Variants in AVP observed in about 807,000 individuals in gnomAD.
AVP encodes vasopressin-neurophysin 2-copeptin.
Under a neutral mutation model 11.1 loss-of-function variants are expected in AVP, and 9 were observed. The observed-to-expected ratio is 0.81, with a 90% CI of 0.49 to 1.42. AVP has a LOEUF of 1.42. AVP is among the 40% of genes most tolerant of loss of function. The pLI, the probability that AVP is intolerant of heterozygous loss-of-function variation, is 0.00. For synonymous variants in AVP, 106 were observed against 111.3 expected (o/e 0.95, Z 0.30); for missense variants, 206 against 238.5 (o/e 0.86, Z 0.90).
chr20:3,083,284 G>A lies in AVP; in HGVS notation c.121-106C>T. On this transcript the variant is annotated intron_variant, in intron 1 of 2. Coordinates refer to ENST00000380293, the MANE Select transcript of AVP (RefSeq NM_000490.5). The surrounding 1 kb of genome is among the most constrained non-coding windows in gnomAD (Gnocchi z 5.4). ...CTGGGGTCCAGGGCTCGGAGTGCGG[G>A]CGGGACACCGGGGCTGCGGCTGCAG... 1 of 1,216,952 alleles carries A rather than the reference G, an allele frequency of 8.2e-7. No individual in the cohort carries two copies. Among genetic ancestry groups the A allele is most frequent in the Non-Finnish European group, 1.1e-6 (1 of 937,430 alleles). 75.4% of individuals were successfully genotyped at this position (1,216,952 alleles called of 1,614,324 possible).
In AVP at chr20:3,082,754, G is replaced by GCGCGGCGGTGAAAGCCCT; in HGVS notation, c.353_370dup (p.Glu118_Arg123dup). On this transcript the variant is annotated inframe_insertion, in exon 3 of 3. Coordinates refer to ENST00000380293, the MANE Select transcript of AVP (RefSeq NM_000490.5). This position sits in a 1 kb window ranked among gnomAD's most constrained non-coding sequence, Gnocchi z 4.7. The stretch of plus-strand genomic sequence containing the variant: ...GGCGTTGCTCCGGTCGCTGGCGCGG[G>GCGCGGCGGTGAAAGCCCT]CGCGGCGGTGAAAGCCCTCGCGGCA... The GCGCGGCGGTGAAAGCCCT allele has an allele frequency of 7.9e-7, 1 of 1,273,620 alleles. No homozygotes were observed. Among genetic ancestry groups the GCGCGGCGGTGAAAGCCCT allele is most frequent in the Non-Finnish European group, 9.9e-7 (1 of 1,012,106 alleles). The allele number at this position is 1,273,620 out of a possible 1,614,324, so 78.9% of individuals were successfully genotyped here.
chr20:3,084,517 G>A (rs757230487), intron 1 of AVP, 38 bp downstream of exon 1: 339 of 1,612,808 alleles, frequency 2.1e-4, no homozygotes, highest in Non-Finnish European at 2.7e-4. Flanking sequence ...AGCACTGCCC[G>A]CTATGGCAGC....
chr20:3,083,119 C>T lies in AVP; in HGVS notation c.180G>A (p.Ala60=). 6.5e-7 allele frequency: 1 copy of T among 1,539,404 alleles called. No individual in the cohort carries two copies. The highest frequency in any genetic ancestry group is 8.7e-7 in the Non-Finnish European group (1 of 1,152,544). Residue 60 remains alanine, a synonymous_variant, in exon 2 of 3, where the codon GCG becomes GCA. Transcript: ENST00000380293. The surrounding 1 kb of genome is among the most constrained non-coding windows in gnomAD (Gnocchi z 5.4). ...GRCFGPSICC[A]DELGCFVGTA... ...TGCCCACGAAGCAGCCCAGCTCGTC[C>T]GCGCAGCAGATGCTGGGCCCGAAGC... is the stretch of plus-strand genomic sequence containing the variant.
Position 3,083,083 on chromosome 20 carries a change from C to T in AVP, c.216G>A (p.Ala72=). ...ELGCFVGTAE[A]LRCQEENYLP... is the part of the protein sequence containing the mutation. ...GGTAGTTCTCCTCCTGGCAGCGCAG[C>T]GCCTCAGCCGTGCCCACGAAGCAGC... is the stretch of plus-strand genomic sequence containing the variant. The change falls in exon 2 of 3, where the codon GCG becomes GCA. Residue 72 remains alanine, a synonymous_variant. Transcript: ENST00000380293. The surrounding 1 kb of genome is among the most constrained non-coding windows in gnomAD (Gnocchi z 5.4). The T allele has an allele frequency of 6.4e-7, 1 of 1,559,810 alleles. No homozygotes were observed. The highest frequency in any genetic ancestry group is 1.8e-5 in the Admixed American group (1 of 56,046).
chr20:3,083,174 A>T lies in AVP; in HGVS notation c.125T>A (p.Leu42His). 6.7e-7 allele frequency: 1 copy of T among 1,490,874 alleles called. No homozygotes were observed. The highest frequency in any genetic ancestry group is 2.8e-5 in the East Asian group (1 of 35,454). The allele number at this position is 1,490,874 out of a possible 1,614,324, so 92.4% of individuals were successfully genotyped here. ...AMSDLELRQC[L>H]PCGPGGKGRC... ...GCCTTTGCCCCCGGGGCCGCAGGGG[A>T]GGCACTGCGGGGACGGGCGGGGTGA... Residue 42 changes from leucine to histidine, a missense_variant, in exon 2 of 3, where the codon CTC becomes CAC. Around this residue, in one of 2 missense-constraint regions of AVP, gnomAD observed 100 missense variants for 149.3 expected, o/e 0.67. Transcript: ENST00000380293. This position sits in a 1 kb window ranked among gnomAD's most constrained non-coding sequence, Gnocchi z 5.4.
In AVP at chr20:3,084,598, G is replaced by C. The variant is rs142886338; in HGVS notation, c.77C>G (p.Pro26Arg). ...GGACATGGCCCTCTTGCCGCCCCTC[G>C]GGCAGTTCTGGAAGTAGCACGCGGA... ...FSSACYFQNC[P>R]RGGKRAMSDL... The change falls in exon 1 of 3, where the codon CCG (proline) becomes CGG (arginine). Residue 26 changes from proline (P) to arginine (R), a missense_variant. Coordinates refer to ENST00000380293, the MANE Select transcript of AVP (RefSeq NM_000490.5). The C allele has an allele frequency of 6.2e-7, 1 of 1,613,924 alleles. No individual in the cohort carries two copies. The highest frequency in any genetic ancestry group is 8.5e-7 in the Non-Finnish European group (1 of 1,180,036).
At position 3,082,725 on chromosome 20, in the gene AVP, G is replaced by T; in HGVS notation, c.400C>A (p.Gln134Lys). 1 of 1,293,044 alleles carries T rather than the reference G, an allele frequency of 7.7e-7. No individual in the cohort carries two copies. The highest frequency in any genetic ancestry group is 2.4e-5 in the South Asian group (1 of 41,994). The allele number at this position is 1,293,044 out of a possible 1,614,324, so 80.1% of individuals were successfully genotyped here. The change falls in exon 3 of 3, where the codon CAG becomes AAG. Residue 134 changes from glutamine (Q) to lysine (K), a missense_variant. Physicochemically the swap from Gln to Lys is moderately conservative, Grantham distance 53 (BLOSUM62 1). Coordinates refer to ENST00000380293, the MANE Select transcript of AVP (RefSeq NM_000490.5). This position sits in a 1 kb window ranked among gnomAD's most constrained non-coding sequence, Gnocchi z 4.7. ...AAGGCCCCGGCCGGCCCGTCCAGCT[G>T]CGTGGCGTTGCTCCGGTCGCTGGCG... is the stretch of plus-strand genomic sequence containing the variant. ...ARASDRSNAT[Q>K]LDGPAGALLL...
At chr20:3,084,486 T>C in intron 1 of AVP, 69 bp downstream of exon 1, 3 of 1,608,944 alleles carry the variant, frequency 1.9e-6, no homozygotes, top group Middle Eastern at 1.6e-4. Flanking sequence ...CCCTCTTTCC[T>C]AGCCCCTGAC....
At chr20:3,084,506 C>T in intron 1 of AVP, 49 bp downstream of exon 1, 15 of 1,612,318 alleles carry the variant, frequency 9.3e-6, no homozygotes, top group Non-Finnish European at 1.3e-5. Context: ...CCCAGGGTGT[C>T]AGCACTGCCC....
At position 3,082,966 on chromosome 20, in the gene AVP, CCGCCGCGCACCGTCGTTGCAGCAAA is replaced by C; in HGVS notation, c.308_322+10del. The C allele has an allele frequency of 1.4e-6, 2 of 1,440,926 alleles. No individual in the cohort carries two copies. The highest frequency in any genetic ancestry group is 1.8e-6 in the Non-Finnish European group (2 of 1,102,174). 89.3% of individuals were successfully genotyped at this position (1,440,926 alleles called of 1,614,324 possible). On this transcript the variant is annotated splice_donor_variant and splice_donor_5th_base_variant and coding_sequence_variant and intron_variant, in exon 2 of 3. Transcript: ENST00000380293. LOFTEE classifies it high-confidence loss of function. The surrounding 1 kb of genome is among the most constrained non-coding windows in gnomAD (Gnocchi z 4.7). ...GCCCCCCCCAGCCCCAGGCCCGCCC[CCGCCGCGCACCGTCGTTGCAGCAAA>C]CGCCGAAGGCGGCGCAGCGGCCCCC... is the stretch of plus-strand genomic sequence containing the variant.
chr20:3,083,209 G>A lies in AVP; in HGVS notation c.121-31C>T, dbSNP rs2066120750. 9 of 1,442,426 alleles carry A rather than the reference G, an allele frequency of 6.2e-6. No homozygotes were observed. The highest frequency in any genetic ancestry group is 6.4e-6 in the Non-Finnish European group (7 of 1,097,612). The allele number at this position is 1,442,426 out of a possible 1,614,324, so 89.4% of individuals were successfully genotyped here. On this transcript the variant is annotated intron_variant, in intron 1 of 2. Coordinates refer to ENST00000380293, the MANE Select transcript of AVP (RefSeq NM_000490.5). The surrounding 1 kb of genome is among the most constrained non-coding windows in gnomAD (Gnocchi z 5.4). ...GGGACGGGCGGGGTGAGCGGGAGGA[G>A]GGGAGCCGGGAGTCGAGGGGTTGGA...
chr20:3,082,591 G>A lies in AVP; in HGVS notation c.*39C>T. The A allele has an allele frequency of 3.2e-6, 4 of 1,242,846 alleles. No homozygotes were observed. The highest frequency in any genetic ancestry group is 4.0e-6 in the Non-Finnish European group (4 of 994,030). 77.0% of individuals were successfully genotyped at this position (1,242,846 alleles called of 1,614,324 possible). A position where few individuals can be genotyped will look rare whatever the true frequency, so the allele number is the denominator to read the frequency against. ...GAGGTTTATTGTCCGTGCTGCAGGG[G>A]CGGGCGCGAAGAGCGCGCCGGTGGG... is the stretch of plus-strand genomic sequence containing the variant. On this transcript the variant is annotated 3_prime_UTR_variant, in exon 3 of 3. Transcript: ENST00000380293. The surrounding 1 kb of genome is among the most constrained non-coding windows in gnomAD (Gnocchi z 4.7).
At position 3,082,587 on chromosome 20, in the gene AVP, A is replaced by G; in HGVS notation, c.*43T>C. ...GGCGGAGGTTTATTGTCCGTGCTGC[A>G]GGGGCGGGCGCGAAGAGCGCGCCGG... On this transcript the variant is annotated 3_prime_UTR_variant, in exon 3 of 3. Coordinates refer to ENST00000380293, the MANE Select transcript of AVP (RefSeq NM_000490.5). The surrounding 1 kb of genome is among the most constrained non-coding windows in gnomAD (Gnocchi z 4.7). 2 of 1,235,404 alleles carry G rather than the reference A, an allele frequency of 1.6e-6. No homozygotes were observed. Among genetic ancestry groups the G allele is most frequent in the Non-Finnish European group, 2.0e-6 (2 of 989,738 alleles). 76.5% of individuals were successfully genotyped at this position (1,235,404 alleles called of 1,614,324 possible).
rs1454079244 is a variant in AVP, at chr20:3,082,890, G to A, written c.322+87C>T. On this transcript the variant is annotated intron_variant, in intron 2 of 2. Coordinates refer to ENST00000380293, the MANE Select transcript of AVP (RefSeq NM_000490.5). The surrounding 1 kb of genome is among the most constrained non-coding windows in gnomAD (Gnocchi z 4.7). ...CCACACCCTCCCTGCCGGGCCCGACGCAGCCCCCACCCCGCCGCAGGCCCG... is the reference window on the plus strand; with the variant it reads ...CCACACCCTCCCTGCCGGGCCCGACACAGCCCCCACCCCGCCGCAGGCCCG... The A allele has an allele frequency of 1.3e-5, 16 of 1,216,006 alleles. No homozygotes were observed. Among genetic ancestry groups the A allele is most frequent in the Non-Finnish European group, 1.6e-5 (16 of 976,254 alleles). The allele number at this position is 1,216,006 out of a possible 1,614,324, so 75.3% of individuals were successfully genotyped here.
At position 3,082,945 on chromosome 20, in the gene AVP, C is replaced by CA. The variant is rs762655956; in HGVS notation, c.322+31_322+32insT. On this transcript the variant is annotated intron_variant, in intron 2 of 2. Coordinates refer to ENST00000380293, the MANE Select transcript of AVP (RefSeq NM_000490.5). This position sits in a 1 kb window ranked among gnomAD's most constrained non-coding sequence, Gnocchi z 4.7. ...CCCCCCACCCAAGCGGTCTGCGCCC[C>CA]CCCCAGCCCCAGGCCCGCCCCCGCC... is the stretch of plus-strand genomic sequence containing the variant. 1.1e-5 allele frequency: 15 copies of CA among 1,316,722 alleles called. No individual in the cohort carries two copies. The highest frequency in any genetic ancestry group is 2.8e-4 in the Middle Eastern group (1 of 3,530). 81.6% of individuals were successfully genotyped at this position (1,316,722 alleles called of 1,614,324 possible). A position where few individuals can be genotyped will look rare whatever the true frequency, so the allele number is the denominator to read the frequency against.
In AVP at chr20:3,084,722, T is replaced by G; in HGVS notation, c.-48A>C. 1 of 1,609,546 alleles carries G rather than the reference T, an allele frequency of 6.2e-7. No homozygotes were observed. Among genetic ancestry groups the G allele is most frequent in the Non-Finnish European group, 8.5e-7 (1 of 1,179,832 alleles). ...CGTATGCAGCACTGCTTGGTGGCTC[T>G]GTGCTGCTGCCTCTGCTGGCTGCCT... On this transcript the variant is annotated 5_prime_UTR_variant, in exon 1 of 3. Transcript: ENST00000380293.
chr20:3,083,126 C>T lies in AVP; in HGVS notation c.173G>A (p.Cys58Tyr). Residue 58 changes from cysteine (C) to tyrosine (Y), a missense_variant, in exon 2 of 3, where the codon TGC becomes TAC. Physicochemically the swap from Cys to Tyr is radical, Grantham distance 194. This residue lies in a region of AVP where 100 missense variants were observed against 149.3 expected (regional missense o/e 0.67). Coordinates refer to ENST00000380293, the MANE Select transcript of AVP (RefSeq NM_000490.5). The surrounding 1 kb of genome is among the most constrained non-coding windows in gnomAD (Gnocchi z 5.4). The part of the protein sequence containing the change: ...GKGRCFGPSI[C>Y]CADELGCFVG... ...GAAGCAGCCCAGCTCGTCCGCGCAGCAGATGCTGGGCCCGAAGCAGCGGCC... is the reference window on the plus strand; with the variant it reads ...GAAGCAGCCCAGCTCGTCCGCGCAGTAGATGCTGGGCCCGAAGCAGCGGCC... The T allele has an allele frequency of 6.5e-7, 1 of 1,534,578 alleles. No homozygotes were observed. The highest frequency in any genetic ancestry group is 2.6e-5 in the East Asian group (1 of 38,586).
chr20:3,082,958 G>A lies in AVP; in HGVS notation c.322+19C>T. 1 of 1,140,610 alleles carries A rather than the reference G, an allele frequency of 8.8e-7. No homozygotes were observed. 70.7% of individuals were successfully genotyped at this position (1,140,610 alleles called of 1,614,324 possible). On this transcript the variant is annotated intron_variant, in intron 2 of 2. Coordinates refer to ENST00000380293, the MANE Select transcript of AVP (RefSeq NM_000490.5). The surrounding 1 kb of genome is among the most constrained non-coding windows in gnomAD (Gnocchi z 4.7). Reference sequence around the variant, plus strand: ...CGGTCTGCGCCCCCCCCAGCCCCAGGCCCGCCCCCGCCGCGCACCGTCGTT... The same window carrying A: ...CGGTCTGCGCCCCCCCCAGCCCCAGACCCGCCCCCGCCGCGCACCGTCGTT...
chr20:3,084,463 C>A (rs777272590), intron 1 of AVP, 92 bp downstream of exon 1: 2 of 1,599,136 alleles, frequency 1.3e-6, no homozygotes, highest in Non-Finnish European at 1.7e-6. Flanking sequence ...AAGGCTACCA[C>A]CACCCATGAC....
Sources: gnomAD v4.1 joint callset for allele counts on GRCh38, gnomAD v4.1.1 for gene constraint, gnomAD v4.1.1 regional missense constraint, Gnocchi (gnomAD v3.1) non-coding constraint, MANE v1.5 for transcripts, NCBI Gene and HGNC (gene_info 2026-07-23, HGNC 2026-07-21) for gene names.